Variants in CHSY1 observed in about 807,000 individuals in gnomAD.
CHSY1 encodes the protein chondroitin sulfate synthase 1.
Under a neutral mutation model 59.8 loss-of-function variants are expected in CHSY1, and 13 were observed. The observed-to-expected ratio is 0.22, with a 90% CI of 0.14 to 0.35. The LOEUF (loss-of-function observed/expected upper bound fraction) is 0.35. CHSY1 is among the 10% of genes least tolerant of loss of function. The pLI, the probability that CHSY1 is intolerant of heterozygous loss-of-function variation, is 1.00. For synonymous variants in CHSY1, 459 were observed against 401.2 expected (o/e 1.14, Z -1.72); for missense variants, 947 against 1,030.6 (o/e 0.92, Z 1.11).
At chr15:101,182,812 C>G (rs11630342) in intron 2 of CHSY1, among the ~76,000 whole-genome samples, 1 of 152,042 alleles carries the variant, frequency 6.6e-6, no homozygotes, top group Non-Finnish European at 1.5e-5. Context: ...TACACAGCTC[C>G]TGGTCAGCTT....
intron 1 of CHSY1, among the ~76,000 whole-genome samples, chr15:101,245,536 G>C (rs998078768): frequency 5.9e-5 from 9 of 152,182 alleles, no homozygotes; most frequent in African/African-American, 1.9e-4. Flanking sequence ...GCAGAGACTA[G>C]GGCCCTGTAT....
At chr15:101,222,439 G>GTGT (rs1331674385) in intron 2 of CHSY1, among the ~76,000 whole-genome samples, 31 of 152,156 alleles carry the variant, frequency 2.0e-4, no homozygotes, top group Non-Finnish European at 4.0e-4. Flanking sequence ...CATCCCACTT[G>GTGT]ACTATGCTAC....
intron 2 of CHSY1, among the ~76,000 whole-genome samples, chr15:101,208,202 CT>C (rs1287216874): frequency 6.6e-6 from 1 of 152,176 alleles, no homozygotes; most frequent in African/African-American, 2.4e-5. Flanking sequence ...ACATTTTCCC[CT>C]GGTCAGCCCA....
chr15:101,239,512 C>T lies in CHSY1; in HGVS notation c.321-3935G>A, dbSNP rs528239332. 1.1e-4 allele frequency among the ~76,000 whole-genome samples: 16 copies of T among 152,282 alleles called. No individual in the cohort carries two copies. In the East Asian group the frequency reaches 2.5e-3, roughly 24 times the overall value. The stretch of plus-strand genomic sequence containing the variant: ...GTGCCTCAGTTTCCTTATCTGTAAA[C>T]GGGGGTTGTTGTGAGGGTTAAATGA... On this transcript the variant is annotated intron_variant, in intron 1 of 2. Transcript: ENST00000254190.
intron 2 of CHSY1, among the ~76,000 whole-genome samples, chr15:101,225,392 A>C (rs1288107104): frequency 6.6e-6 from 1 of 152,156 alleles, no homozygotes; most frequent in East Asian, 1.9e-4. Flanking sequence ...TTGAATATTG[A>C]TATACGTTTT....
At chr15:101,224,159 A>C (rs1488183895) in intron 2 of CHSY1, among the ~76,000 whole-genome samples, 1 of 152,212 alleles carries the variant, frequency 6.6e-6, no homozygotes, top group African/African-American at 2.4e-5. Context: ...AGTGCTCTCT[A>C]TGATGTTTAT....
intron 2 of CHSY1, among the ~76,000 whole-genome samples, chr15:101,186,487 T>C (rs2038367224): frequency 6.6e-6 from 1 of 152,180 alleles, no homozygotes; most frequent in Non-Finnish European, 1.5e-5. Flanking sequence ...CTTGAATTGA[T>C]CAAGTCTCAA....
intron 2 of CHSY1, among the ~76,000 whole-genome samples, chr15:101,191,091 T>C (rs2038438440): frequency 6.6e-6 from 1 of 152,192 alleles, no homozygotes; most frequent in South Asian, 2.1e-4. Flanking sequence ...AGCTGAAAAG[T>C]TAGTGTCCAC....
chr15:101,225,224 T>C (rs2038828689), intron 2 of CHSY1, among the ~76,000 whole-genome samples: 2 of 150,646 alleles, frequency 1.3e-5, no homozygotes, highest in Admixed American at 1.3e-4. Flanking sequence ...TGCAACAAAA[T>C]ACCCAGCTGA....
intron 1 of CHSY1, among the ~76,000 whole-genome samples, chr15:101,248,331 C>T (rs1271492075): frequency 6.6e-6 from 1 of 152,218 alleles, no homozygotes; most frequent in African/African-American, 2.4e-5. Context: ...TAACTTTTAG[C>T]CTTAAGGCTA....
chr15:101,207,587 TAAGAC>T (rs753688382), intron 2 of CHSY1, among the ~76,000 whole-genome samples: 5 of 152,146 alleles, frequency 3.3e-5, no homozygotes, highest in Non-Finnish European at 7.3e-5. Flanking sequence ...CAGAAATAAT[TAAGAC>T]AAGACCCAAT....
chr15:101,196,818 G>C (rs529295790), intron 2 of CHSY1, among the ~76,000 whole-genome samples: 10 of 152,274 alleles, frequency 6.6e-5, no homozygotes, highest in African/African-American at 2.4e-4. Flanking sequence ...GAGCTCAGGA[G>C]CTCGAGGACA....
rs2039114522 is a variant in CHSY1, at chr15:101,251,586, G to GCT, written c.-131_-130insAG. ...GCCCGGGCAGCGCCGCCGCCGCCGC[G>GCT]GGCCCGCCGCGCCCATCGCGGCCCC... On this transcript the variant is annotated 5_prime_UTR_variant, in exon 1 of 3. The change abolishes the stop of an existing upstream ORF in the 5' untranslated region. Coordinates refer to ENST00000254190, the MANE Select transcript of CHSY1 (RefSeq NM_014918.5). The GCT allele has an allele frequency of 6.9e-6, 1 of 145,756 alleles. No homozygotes were observed. The highest frequency in any genetic ancestry group is 1.5e-5 in the Non-Finnish European group (1 of 67,048). 9.0% of individuals were successfully genotyped at this position (145,756 alleles called of 1,614,324 possible).
chr15:101,246,899 C>T (rs934563454), intron 1 of CHSY1, among the ~76,000 whole-genome samples: 1 of 152,080 alleles, frequency 6.6e-6, no homozygotes, highest in Non-Finnish European at 1.5e-5. Flanking sequence ...GGGAAAAATA[C>T]GAATTGCAGC....
intron 2 of CHSY1, among the ~76,000 whole-genome samples, chr15:101,203,877 C>T (rs1267151374): frequency 1.3e-5 from 2 of 152,088 alleles, no homozygotes; most frequent in African/African-American, 4.8e-5. Flanking sequence ...AAGAGACATA[C>T]CATATAAATG....
At chr15:101,213,485 A>G (rs2038702587) in intron 2 of CHSY1, among the ~76,000 whole-genome samples, 1 of 152,254 alleles carries the variant, frequency 6.6e-6, no homozygotes, top group Non-Finnish European at 1.5e-5. Flanking sequence ...ATTAAACCCA[A>G]GTGCCAGTTA....
At chr15:101,237,588 G>A (rs2038959423) in intron 1 of CHSY1, among the ~76,000 whole-genome samples, 2 of 152,144 alleles carry the variant, frequency 1.3e-5, no homozygotes, top group Admixed American at 1.3e-4. Flanking sequence ...CAACTGCGAG[G>A]AAACCACGTA....
At chr15:101,209,771 T>C (rs1188222445) in intron 2 of CHSY1, among the ~76,000 whole-genome samples, 5 of 152,212 alleles carry the variant, frequency 3.3e-5, no homozygotes, top group African/African-American at 7.2e-5. Flanking sequence ...GGTATTTTCT[T>C]AGAAGATACA....
In CHSY1 at chr15:101,251,840, G is replaced by C. The variant is rs1376553885; in HGVS notation, c.-384C>G. The C allele has an allele frequency of 6.7e-6, 1 of 150,162 alleles. No individual in the cohort carries two copies. The highest frequency in any genetic ancestry group is 6.6e-5 in the Admixed American group (1 of 15,132). 9.3% of individuals were successfully genotyped at this position (150,162 alleles called of 1,614,324 possible). Reference sequence around the variant, plus strand: ...CCGTCCCGCCCTGCCCGCGTCCTCCGGCTGGCTGGGCTCGGTTCGCACGGC... The same window carrying C: ...CCGTCCCGCCCTGCCCGCGTCCTCCCGCTGGCTGGGCTCGGTTCGCACGGC... On this transcript the variant is annotated 5_prime_UTR_variant, in exon 1 of 3. Transcript: ENST00000254190.
Sources: gnomAD v4.1 joint callset for allele counts (sites outside exome capture counted in the v4.1 genomes callset) on GRCh38, gnomAD v4.1.1 for gene constraint, MANE v1.5 for transcripts, NCBI Gene and HGNC (gene_info 2026-07-23, HGNC 2026-07-21) for gene names.